Variants in METTL22 observed in about 807,000 individuals in gnomAD.
The protein encoded by METTL22 is methyltransferase 22, Kin17 lysine.
A neutral mutation model predicts 48.4 loss-of-function variants in METTL22; 51 were observed. The ratio of observed to expected loss-of-function variants is 1.05; its 90% confidence interval spans 0.84 to 1.33. The LOEUF is 1.33. METTL22 is among the 40% of genes most tolerant of loss of function. The pLI, the probability that METTL22 is intolerant of heterozygous loss-of-function variation, is 0.00. For synonymous variants in METTL22, 255 were observed against 214.1 expected, an observed-to-expected ratio of 1.19 and a Z score of -1.67; for missense variants, 678 against 526.9, an observed-to-expected ratio of 1.29 and a Z score of -2.81.
At position 8,623,292 on chromosome 16, in the gene METTL22, C is replaced by A. The variant is rs577099821; in HGVS notation, c.-171+1517C>A. On this transcript the variant is annotated intron_variant, in intron 1 of 10. Coordinates refer to ENST00000381920, the MANE Select transcript of METTL22 (RefSeq NM_024109.4). Reference sequence around the variant, plus strand: ...CACCACTGCACTCTAGCCTGGGCAACAGAGTGAGACTCTGTCTCAGAAAAA... The same window carrying A: ...CACCACTGCACTCTAGCCTGGGCAAAAGAGTGAGACTCTGTCTCAGAAAAA... 5.5e-5 allele frequency among the ~76,000 whole-genome samples: 8 copies of A among 145,572 alleles called. No individual in the cohort carries two copies. The East Asian group carries it at 1.4e-3, about 26-fold the overall frequency.
At chr16:8,632,271 G>A (rs1342199826) in intron 3 of METTL22, 1 of 152,118 alleles carries the variant, frequency 6.6e-6, no homozygotes, top group African/African-American at 2.4e-5. Context: ...ATTCGCCCTG[G>A]TGTTTTCTCG....
chr16:8,634,042 C>G (rs1311596612), intron 3 of METTL22, among the ~76,000 whole-genome samples: 3 of 152,208 alleles, frequency 2.0e-5, no homozygotes, highest in Non-Finnish European at 2.9e-5. Context: ...AATCTGAAGC[C>G]CTTCTGAAAG....
the METTL22 span, among the ~76,000 whole-genome samples, chr16:8,656,686 C>T: frequency 3.9e-5 from 6 of 152,240 alleles, no homozygotes. Context: ...GGGCTGTGCC[C>T]TGCGGCTCCA....
At chr16:8,664,867 G>A in the METTL22 span, among the ~76,000 whole-genome samples, 14 of 104,842 alleles carry the variant, frequency 1.3e-4, no homozygotes, top group South Asian at 1.9e-3. Context: ...AGAGCAGCCC[G>A]CACCTGAGCC....
At chr16:8,660,175 T>C in the METTL22 span, among the ~76,000 whole-genome samples, 1 of 95,474 alleles carries the variant, frequency 1.0e-5, no homozygotes, top group Non-Finnish European at 2.6e-5. Context: ...TTTGTTTTTG[T>C]TTTTTTGTTT....
chr16:8,628,998 C>T lies in METTL22; in HGVS notation c.402C>T (p.Ser134=), dbSNP rs1401169420. The T allele has an allele frequency of 1.9e-6, 3 of 1,614,038 alleles. No individual in the cohort carries two copies. Among genetic ancestry groups the T allele is most frequent in the South Asian group, 1.1e-5 (1 of 91,090 alleles). ...VVRRPRAASD[S]NPAGPLRDKV... ...GAAGACCACGAGCCGCCTCTGATTC[C>T]AACCCAGCAGGGCCTCTGAGAGACA... The change falls in exon 3 of 11, where the codon TCC becomes TCT. Residue 134 remains serine, a synonymous_variant. Coordinates refer to ENST00000381920, the MANE Select transcript of METTL22 (RefSeq NM_024109.4).
intron 1 of METTL22, chr16:8,623,951 C>G (rs2055950458): frequency 1.3e-5 from 2 of 152,178 alleles, no homozygotes; most frequent in African/African-American, 4.8e-5. Context: ...GGTCAAATAC[C>G]TGAAACCAAC....
At position 8,635,242 on chromosome 16, in the gene METTL22, G is replaced by A. The variant is rs774680819; in HGVS notation, c.630G>A (p.Leu210=). ...RQDLFRGCTA[L]ELGAGTGLAS... is the part of the protein sequence containing the mutation. The stretch of plus-strand genomic sequence containing the variant: ...ACCTCTTCCGAGGATGTACAGCGCT[G>A]GAGCTCGGGGCCGGCACGGGGCTCG... Residue 210 remains leucine (L), a synonymous_variant, in exon 5 of 11, where the codon CTG becomes CTA. Coordinates refer to ENST00000381920, the MANE Select transcript of METTL22 (RefSeq NM_024109.4). 3.1e-6 allele frequency: 5 copies of A among 1,609,978 alleles called. No individual in the cohort carries two copies. In the South Asian group the frequency reaches 5.5e-5, roughly 18 times the overall value.
intron 5 of METTL22, among the ~76,000 whole-genome samples, chr16:8,635,777 T>TA (rs1386285866): frequency 6.6e-6 from 1 of 152,200 alleles, no homozygotes; most frequent in Non-Finnish European, 1.5e-5. Flanking sequence ...ATATGCAACT[T>TA]ATGGGTCACC....
chr16:8,625,583 A>G lies in METTL22; in HGVS notation c.-83A>G, dbSNP rs1484169617. On this transcript the variant is annotated 5_prime_UTR_variant, in exon 2 of 11. Transcript: ENST00000381920. ...CTACCAGCTTGGACCTGTCTGCAGT[A>G]TCTCCTCTGGGACCTGCCATGCTGA... 5.5e-6 allele frequency: 8 copies of G among 1,449,770 alleles called. No homozygotes were observed. Among genetic ancestry groups the G allele is most frequent in the Non-Finnish European group, 7.6e-6 (8 of 1,058,420 alleles). 89.8% of individuals were successfully genotyped at this position (1,449,770 alleles called of 1,614,324 possible). A position where few individuals can be genotyped will look rare whatever the true frequency, so the allele number is the denominator to read the frequency against.
intron 1 of METTL22, among the ~76,000 whole-genome samples, chr16:8,622,977 A>C (rs542746004): frequency 1.5e-4 from 23 of 152,320 alleles, no homozygotes; most frequent in Middle Eastern, 3.4e-3. Context: ...TTTTGGAAAA[A>C]GCAAAGAACA....
At chr16:8,664,696 A>C in the METTL22 span, among the ~76,000 whole-genome samples, 2 of 152,046 alleles carry the variant, frequency 1.3e-5, no homozygotes, top group Non-Finnish European at 2.9e-5. Context: ...CCTGGGCTCA[A>C]GTGATCTTCC....
Position 8,628,770 on chromosome 16 carries a change from T to C in METTL22, c.174T>C (p.Ser58=). 6.2e-7 allele frequency: 1 copy of C among 1,614,192 alleles called. No individual in the cohort carries two copies. Among genetic ancestry groups the C allele is most frequent in the Non-Finnish European group, 8.5e-7 (1 of 1,180,028 alleles). The change falls in exon 3 of 11, where the codon TCT becomes TCC. Residue 58 remains serine (S), a synonymous_variant. Transcript: ENST00000381920. Reference sequence around the variant, plus strand: ...TCAAGCTTCTATGGAGCCAAGACTCTTGGACAGATTCAGGAGCCAAGGGTG... The same window carrying C: ...TCAAGCTTCTATGGAGCCAAGACTCCTGGACAGATTCAGGAGCCAAGGGTG... The part of the protein sequence containing the change: ...SQFKLLWSQD[S]WTDSGAKGGS...
chr16:8,642,186 A>G lies in METTL22; in HGVS notation c.886A>G (p.Thr296Ala). The G allele has an allele frequency of 6.2e-7, 1 of 1,613,574 alleles. No homozygotes were observed. Among genetic ancestry groups the G allele is most frequent in the Non-Finnish European group, 8.5e-7 (1 of 1,179,558 alleles). ...EEISDLYDHT[T>A]ILFAAEVFYD... ...AATTTCTGACTTGTACGATCACACC[A>G]CCATCCTGTTTGCAGCCGAAGGTAA... Residue 296 changes from threonine to alanine, a missense_variant, in exon 8 of 11, where the codon ACC becomes GCC. Thr to Ala is a moderately conservative substitution (Grantham distance 58). Transcript: ENST00000381920.
intron 1 of METTL22, among the ~76,000 whole-genome samples, chr16:8,624,524 C>T (rs145221647): frequency 3.3e-5 from 5 of 152,144 alleles, no homozygotes; most frequent in African/African-American, 9.6e-5. Flanking sequence ...GGACTACCAG[C>T]GCGCGCCACG....
intron 7 of METTL22, chr16:8,641,897 C>T (rs2056630400): frequency 1.7e-6 from 1 of 594,348 alleles, no homozygotes; most frequent in African/African-American, 1.9e-5. Flanking sequence ...GCCCGCTGCT[C>T]ACTGGCTAGA....
chr16:8,644,503 A>G, intron 9 of METTL22, 54 bp from the exon 10 acceptor site: 1 of 1,498,886 alleles, frequency 6.7e-7, no homozygotes, highest in Non-Finnish European at 9.0e-7. Flanking sequence ...CAGAAACAGC[A>G]AAACCCTTCC....
At chr16:8,660,783 A>AGGT in the METTL22 span, among the ~76,000 whole-genome samples, 45 of 776 alleles carry the variant, frequency 0.058, 15 homozygotes, top group Admixed American at 0.083. Context: ...CAAGTCTTGG[A>AGGT]GGAGGAGGAG....
chr16:8,622,687 T>C (rs9921894), intron 1 of METTL22, among the ~76,000 whole-genome samples: 88,478 of 152,066 alleles, frequency 0.58, 26,641 homozygotes, highest in East Asian at 0.89. Context: ...ACGTTTACTA[T>C]ATGTCGTAAG....
Sources: gnomAD v4.1 joint callset for allele counts (sites outside exome capture counted in the v4.1 genomes callset) on GRCh38, gnomAD v4.1.1 for gene constraint, MANE v1.5 for transcripts, NCBI Gene and HGNC (gene_info 2026-07-23, HGNC 2026-07-21) for gene names.